The following PYROXD2 variants were observed in gnomAD, a reference collection of about 807,000 sequenced individuals.
PYROXD2 encodes the protein pyridine nucleotide-disulphide oxidoreductase domain 2.
A neutral mutation model predicts 71.1 loss-of-function variants in PYROXD2; 69 were observed. The ratio of observed to expected loss-of-function variants is 0.97; its 90% CI spans 0.80 to 1.19. PYROXD2 has a LOEUF of 1.19. Among genes scored for constraint, PYROXD2 ranks in the 50% most tolerant of loss-of-function variants. PYROXD2 has a pLI of 0.00. For synonymous variants in PYROXD2, 287 were observed against 302.7 expected (o/e 0.95, Z 0.54); for missense variants, 745 against 748.9 (o/e 0.99, Z 0.06).
At chr10:98,411,725 A>C (rs1012252846) in intron 1 of PYROXD2, 2 of 152,060 alleles carry the variant, frequency 1.3e-5, no homozygotes, top group African/African-American at 4.8e-5. Flanking sequence ...AGGTTGTATA[A>C]ATGTCGACTC....
Position 98,383,763 on chromosome 10 carries a change from T to G in PYROXD2, c.*35A>C. ...CAATGGAGCACTTGGAATTCAGGGGTGGAGTCTTCTTCCTGGGTCAGAGCT... is the reference window on the plus strand; with the variant it reads ...CAATGGAGCACTTGGAATTCAGGGGGGGAGTCTTCTTCCTGGGTCAGAGCT... On this transcript the variant is annotated 3_prime_UTR_variant, in exon 16 of 16. Coordinates refer to ENST00000370575, the MANE Select transcript of PYROXD2 (RefSeq NM_032709.3). The G allele has an allele frequency of 1.3e-6, 2 of 1,586,102 alleles. No individual in the cohort carries two copies. The highest frequency in any genetic ancestry group is 1.7e-6 in the Non-Finnish European group (2 of 1,154,538).
chr10:98,391,835 C>T lies in PYROXD2; in HGVS notation c.1062+597G>A, dbSNP rs12256962. On this transcript the variant is annotated intron_variant, in intron 10 of 15. Coordinates refer to ENST00000370575, the MANE Select transcript of PYROXD2 (RefSeq NM_032709.3). ...ATGGAGCATAGCCGAGTCCCCCACC[C>T]GGTCATCCCAGCAGAAACGGTCCTG... Among the ~76,000 whole-genome samples, 607 of 152,250 alleles carry T rather than the reference C, an allele frequency of 4.0e-3. 2 individuals are homozygous for T. Among genetic ancestry groups the T allele is most frequent in the African/African-American group, 0.014 (563 of 41,532 alleles).
chr10:98,386,331 A>G (rs948278941), intron 14 of PYROXD2, among the ~76,000 whole-genome samples: 6 of 131,120 alleles, frequency 4.6e-5, no homozygotes, highest in African/African-American at 1.1e-4. Context: ...GGGAGGGAGG[A>G]AGGAAGGAAG....
intron 10 of PYROXD2, among the ~76,000 whole-genome samples, chr10:98,391,714 T>C (rs116632920): frequency 0.014 from 2,141 of 152,268 alleles, 54 homozygotes; most frequent in African/African-American, 0.049. Flanking sequence ...GATCAAACCA[T>C]GTGATGCTTG....
chr10:98,412,701 G>A (rs1048674799), intron 1 of PYROXD2, among the ~76,000 whole-genome samples: 1 of 152,296 alleles, frequency 6.6e-6, no homozygotes, highest in Admixed American at 6.5e-5. Flanking sequence ...TGAGGCCCAA[G>A]ATGCCTTTAA....
intron 10 of PYROXD2, among the ~76,000 whole-genome samples, chr10:98,391,541 T>C (rs74154408): frequency 0.035 from 5,322 of 152,206 alleles, 287 homozygotes; most frequent in African/African-American, 0.12. Flanking sequence ...TGTTATCATA[T>C]CTTTTGAGCA....
chr10:98,399,975 C>T (rs1166034154), intron 5 of PYROXD2, 127 bp downstream of exon 5: 1 of 1,178,772 alleles, frequency 8.5e-7, no homozygotes, highest in East Asian at 2.6e-5. Flanking sequence ...CTGGAGCCCT[C>T]CTAGGAACGT....
At chr10:98,388,570 G>A (rs571672230) in intron 12 of PYROXD2, 62 bp from the exon 13 acceptor site, 13 of 1,441,988 alleles carry the variant, frequency 9.0e-6, no homozygotes, top group East Asian at 2.5e-5. Context: ...TAGGGCATCC[G>A]AGATGACTTG....
Position 98,407,943 on chromosome 10 carries a change from C to T in PYROXD2, c.202G>A (p.Val68Met). 6.2e-7 allele frequency: 1 copy of T among 1,611,380 alleles called. No individual in the cohort carries two copies. Among genetic ancestry groups the T allele is most frequent in the South Asian group, 1.1e-5 (1 of 90,222 alleles). The change falls in exon 3 of 16, where the codon GTG becomes ATG. Residue 68 changes from valine (V) to methionine (M), a missense_variant. Physicochemically the swap from Val to Met is conservative, Grantham distance 21. Transcript: ENST00000370575. ...VNTAVFERRH[V>M]IGGAAVTEEI... ...TCAGTGACAGCTGCACCCCCGATCA[C>T]ATGGCGCCTCTCGAAGACGGCGGTG...
At chr10:98,383,896 G>A in intron 15 of PYROXD2, 28 bp from the exon 16 acceptor site, 1 of 1,610,154 alleles carries the variant, frequency 6.2e-7, no homozygotes, top group Admixed American at 1.7e-5. Flanking sequence ...ATGAACCAAA[G>A]CTCCGCTCAA....
At chr10:98,410,411 G>A (rs921304229) in intron 2 of PYROXD2, among the ~76,000 whole-genome samples, 2 of 152,210 alleles carry the variant, frequency 1.3e-5, no homozygotes, top group African/African-American at 4.8e-5. Context: ...AGTTGTGTTG[G>A]GGACAGGGCA....
intron 10 of PYROXD2, among the ~76,000 whole-genome samples, chr10:98,391,873 C>A (rs576433858): frequency 3.9e-5 from 6 of 152,188 alleles, no homozygotes. Context: ...CCAGCCACCA[C>A]CAGCCAGCTC....
At chr10:98,406,614 C>T (rs78841732) in intron 4 of PYROXD2, among the ~76,000 whole-genome samples, 7,600 of 150,722 alleles carry the variant, frequency 0.05, 601 homozygotes, top group African/African-American at 0.17. Context: ...CCAACGTGGC[C>T]GGGTGCGGTG....
Position 98,395,247 on chromosome 10 carries a change from G to A in PYROXD2, c.734C>T (p.Ala245Val), listed in dbSNP as rs1843123701. 1.9e-6 allele frequency: 3 copies of A among 1,614,176 alleles called. No individual in the cohort carries two copies. Among genetic ancestry groups the A allele is most frequent in the East Asian group, 2.2e-5 (1 of 44,882 alleles). Residue 245 changes from alanine (A) to valine (V), a missense_variant, in exon 8 of 16, where the codon GCC becomes GTC. Transcript: ENST00000370575. Reference protein sequence around the residue: ...FESEPLKATLATDAVIGAMTS... With the variant: ...FESEPLKATLVTDAVIGAMTS... ...CATGGCTCCAATCACTGCATCTGTG[G>A]CTAGAGTGGCTTTTAAAGGCTCAGA...
intron 12 of PYROXD2, among the ~76,000 whole-genome samples, chr10:98,390,105 A>G (rs1489105270): frequency 6.6e-6 from 1 of 152,192 alleles, no homozygotes; most frequent in Non-Finnish European, 1.5e-5. Flanking sequence ...TGGACAGCGG[A>G]CAGGATGGAA....
intron 10 of PYROXD2, 48 bp from the exon 11 acceptor site, chr10:98,391,130 A>G: frequency 8.4e-7 from 1 of 1,186,878 alleles, no homozygotes; most frequent in Non-Finnish European, 1.3e-6. Context: ...CAAGGCCCCA[A>G]GGAAGCTGCC....
At chr10:98,391,359 T>A (rs906629894) in intron 10 of PYROXD2, among the ~76,000 whole-genome samples, 3 of 152,180 alleles carry the variant, frequency 2.0e-5, no homozygotes, top group Non-Finnish European at 4.4e-5. Context: ...CAGGCCTCTT[T>A]TCACTACTGG....
At chr10:98,401,742 G>A (rs1166224999) in intron 4 of PYROXD2, among the ~76,000 whole-genome samples, 1 of 151,838 alleles carries the variant, frequency 6.6e-6, no homozygotes, top group Non-Finnish European at 1.5e-5. Context: ...GCCTACACGG[G>A]GTCAGGATCA....
At chr10:98,403,226 A>G (rs891481768) in intron 4 of PYROXD2, among the ~76,000 whole-genome samples, 1 of 152,168 alleles carries the variant, frequency 6.6e-6, no homozygotes, top group Non-Finnish European at 1.5e-5. Flanking sequence ...CGTTCTTCTT[A>G]ATGTAGTAAA....
Sources: gnomAD v4.1 joint callset for allele counts (sites outside exome capture counted in the v4.1 genomes callset) on GRCh38, gnomAD v4.1.1 for gene constraint, MANE v1.5 for transcripts, NCBI Gene and HGNC (gene_info 2026-07-23, HGNC 2026-07-21) for gene names.